Variants in CYP4X1 observed in about 807,000 individuals in gnomAD.
CYP4X1 encodes cytochrome P450 4X1.
Under a neutral mutation model 57.9 loss-of-function variants are expected in CYP4X1, and 44 were observed. The ratio of observed to expected loss-of-function variants is 0.76; its 90% CI spans 0.60 to 0.98. The LOEUF (loss-of-function observed/expected upper bound fraction) is 0.98. Ranked by LOEUF, CYP4X1 falls within the 50% of genes least tolerant of loss-of-function variation. CYP4X1 has a pLI of 0.00. For missense variants in CYP4X1, 532 were observed against 623.9 expected, an observed-to-expected ratio of 0.85 and a Z score of 1.57; for synonymous variants, 227 against 228.6, an observed-to-expected ratio of 0.99 and a Z score of 0.06.
intron 8 of CYP4X1, among the ~76,000 whole-genome samples, chr1:47,041,991 A>T (rs1443037245): frequency 1.3e-5 from 2 of 152,066 alleles, no homozygotes; most frequent in Non-Finnish European, 2.9e-5. Flanking sequence ...TTATTCTTCT[A>T]CTAGTGCATA....
chr1:46,971,034 A>T, the CYP4X1 span, among the ~76,000 whole-genome samples: 2 of 152,134 alleles, frequency 1.3e-5, no homozygotes, highest in Non-Finnish European at 2.9e-5. Flanking sequence ...TCACCCAGAT[A>T]AAAAGCATTG....
chr1:47,048,624 C>T lies in CYP4X1; in HGVS notation c.1267C>T (p.Pro423Ser). ...LHHNPAVWKNPKVFDPLRFSQ... is the reference protein window; with the variant it reads ...LHHNPAVWKNSKVFDPLRFSQ... ...CCACAACCCTGCTGTCTGGAAAAAC[C>T]CAAAGGTATGATTCTCTCTTGTACA... Residue 423 changes from proline (P) to serine (S), a missense_variant, in exon 10 of 12, where the codon CCA becomes TCA. Physicochemically the swap from Pro to Ser is moderately conservative, Grantham distance 74 (BLOSUM62 -1). Coordinates refer to ENST00000371901, the MANE Select transcript of CYP4X1 (RefSeq NM_178033.2). 1 of 1,611,812 alleles carries T rather than the reference C, an allele frequency of 6.2e-7. No individual in the cohort carries two copies.
At chr1:46,961,792 C>G in the CYP4X1 span, 3 of 1,295,570 alleles carry the variant, frequency 2.3e-6, no homozygotes, top group Non-Finnish European at 3.0e-6. Context: ...CTTGCCCACC[C>G]CAGACCCTTG....
the CYP4X1 span, among the ~76,000 whole-genome samples, chr1:46,976,244 A>C: frequency 6.6e-6 from 1 of 152,174 alleles, no homozygotes; most frequent in Non-Finnish European, 1.5e-5. Context: ...ACTGCCACCT[A>C]AATACTGCAC....
chr1:47,024,414 A>T lies in CYP4X1; in HGVS notation c.177+420A>T, dbSNP rs985401764. Among the ~76,000 whole-genome samples the T allele has an allele frequency of 4.6e-5, 7 of 152,322 alleles. No individual in the cohort carries two copies. The East Asian group carries it at 1.4e-3, about 29-fold the overall frequency. On this transcript the variant is annotated intron_variant, in intron 1 of 11. Coordinates refer to ENST00000371901, the MANE Select transcript of CYP4X1 (RefSeq NM_178033.2). ...TCGTTGGCACCCTTAGTCCATTTTAACAAGAGAAAATTTTCTTTTCCTAAG... is the reference window on the plus strand; with the variant it reads ...TCGTTGGCACCCTTAGTCCATTTTATCAAGAGAAAATTTTCTTTTCCTAAG...
At position 47,030,200 on chromosome 1, in the gene CYP4X1, G is replaced by C. The variant is rs1249074859; in HGVS notation, c.319+69G>C. On this transcript the variant is annotated intron_variant, in intron 2 of 11. Coordinates refer to ENST00000371901, the MANE Select transcript of CYP4X1 (RefSeq NM_178033.2). The stretch of plus-strand genomic sequence containing the variant: ...TGAAATGCATAAAACCCATAGGCAA[G>C]ATTCCAAAGCAAAGATTGGTTTGGG... The C allele has an allele frequency of 4.6e-6, 7 of 1,533,954 alleles. No homozygotes were observed. The South Asian group carries it at 8.9e-5, about 19-fold the overall frequency.
At chr1:47,041,902 A>G (rs1419206797) in intron 8 of CYP4X1, among the ~76,000 whole-genome samples, 1 of 152,046 alleles carries the variant, frequency 6.6e-6, no homozygotes, top group Non-Finnish European at 1.5e-5. Flanking sequence ...TAGTAGTTTT[A>G]TAGTTTCAGG....
chr1:47,047,964 C>T (rs1436751159), intron 9 of CYP4X1, among the ~76,000 whole-genome samples: 1 of 151,940 alleles, frequency 6.6e-6, no homozygotes, highest in Non-Finnish European at 1.5e-5. Flanking sequence ...GTATTTAGGC[C>T]AGGCACAGTG....
the CYP4X1 span, among the ~76,000 whole-genome samples, chr1:47,003,866 T>C: frequency 5.3e-5 from 8 of 152,158 alleles, no homozygotes; most frequent in African/African-American, 9.6e-5. Context: ...CTCTCCACCG[T>C]CCCCGCCAAA....
upstream of CYP4X1, among the ~76,000 whole-genome samples, chr1:47,018,848 C>G (rs991442364): frequency 1.3e-5 from 2 of 152,068 alleles, no homozygotes; most frequent in African/African-American, 4.8e-5. Flanking sequence ...AATCAGAATT[C>G]AATCCAAACT....
chr1:46,961,694 C>A, the CYP4X1 span: 5 of 1,294,020 alleles, frequency 3.9e-6, no homozygotes, highest in African/African-American at 7.6e-5. Context: ...TTTGACCCAA[C>A]CAACTTCTTC....
At chr1:47,017,911 G>C in the CYP4X1 span, among the ~76,000 whole-genome samples, 2 of 152,150 alleles carry the variant, frequency 1.3e-5, no homozygotes, top group Non-Finnish European at 2.9e-5. Context: ...TGCCTCCTGA[G>C]GCTGTGTCAT....
Position 47,048,507 on chromosome 1 carries a change from C to T in CYP4X1, c.1208-58C>T, listed in dbSNP as rs1187491631. On this transcript the variant is annotated intron_variant, in intron 9 of 11. Coordinates refer to ENST00000371901, the MANE Select transcript of CYP4X1 (RefSeq NM_178033.2). ...AGAACAAAAGTCTTGTTTAAGAGCACAGTAGCCCACAACTTGCTCTTTCTC... is the reference window on the plus strand; with the variant it reads ...AGAACAAAAGTCTTGTTTAAGAGCATAGTAGCCCACAACTTGCTCTTTCTC... The T allele has an allele frequency of 1.1e-5, 17 of 1,568,914 alleles. No homozygotes were observed. In the Middle Eastern group the frequency reaches 5.0e-4, roughly 46 times the overall value.
the CYP4X1 span, among the ~76,000 whole-genome samples, chr1:46,965,484 C>T: frequency 1.3e-5 from 2 of 152,202 alleles, no homozygotes; most frequent in Non-Finnish European, 2.9e-5. Context: ...AGGGCTGCTG[C>T]AGTTTGCTGG....
At chr1:46,984,391 A>C in the CYP4X1 span, among the ~76,000 whole-genome samples, 3 of 151,618 alleles carry the variant, frequency 2.0e-5, no homozygotes, top group Non-Finnish European at 2.9e-5. Context: ...AAAAAAAAAA[A>C]AAAAAAAAAA....
chr1:47,017,999 A>G, the CYP4X1 span, among the ~76,000 whole-genome samples: 2 of 152,134 alleles, frequency 1.3e-5, no homozygotes, highest in East Asian at 1.9e-4. Flanking sequence ...GGGTTCACAT[A>G]ACATAGGGAT....
intron 9 of CYP4X1, 72 bp from the exon 10 acceptor site, chr1:47,048,493 C>T: frequency 6.6e-7 from 1 of 1,524,998 alleles, no homozygotes; most frequent in Non-Finnish European, 9.1e-7. Context: ...GAACAAAAGT[C>T]TTGTTTAAGA....
the CYP4X1 span, among the ~76,000 whole-genome samples, chr1:47,009,765 A>G: frequency 6.6e-6 from 1 of 152,268 alleles, no homozygotes; most frequent in Non-Finnish European, 1.5e-5. Context: ...AACTACCATC[A>G]GGGAATACTA....
At chr1:47,007,098 G>C in the CYP4X1 span, among the ~76,000 whole-genome samples, 1 of 152,248 alleles carries the variant, frequency 6.6e-6, no homozygotes. Flanking sequence ...CCAGCACGCA[G>C]CTGGAGATCT....
Sources: gnomAD v4.1 joint callset for allele counts (sites outside exome capture counted in the v4.1 genomes callset) on GRCh38, gnomAD v4.1.1 for gene constraint, MANE v1.5 for transcripts, NCBI Gene and HGNC (gene_info 2026-07-23, HGNC 2026-07-21) for gene names.